The following MSN variants were observed in gnomAD, a reference collection of about 807,000 sequenced individuals.
The protein encoded by MSN is epididymis luminal protein 70.
MSN carries 2 observed loss-of-function variants against 48.0 expected under a neutral mutation model. The ratio of observed to expected loss-of-function variants is 0.04; its 90% CI spans 0.02 to 0.13. The LOEUF is 0.13. MSN is among the 10% of genes least tolerant of loss of function. The pLI, the probability that MSN is intolerant of heterozygous loss-of-function variation, is 1.00. For synonymous variants in MSN, 146 were observed against 166.9 expected, an observed-to-expected ratio of 0.87 and a Z score of 0.97; for missense variants, 267 against 470.1, an observed-to-expected ratio of 0.57 and a Z score of 3.99.
intron 1 of MSN, among the ~76,000 whole-genome samples, chrX:65,632,361 T>C (rs1327006321): frequency 8.9e-6 from 1 of 112,072 alleles, no homozygotes; most frequent in Non-Finnish European, 1.9e-5. Flanking sequence ...TTTTGGACTT[T>C]CGAGCCTCCA....
intron 1 of MSN, among the ~76,000 whole-genome samples, chrX:65,682,967 G>A (rs1377858683): frequency 9.0e-6 from 1 of 111,683 alleles, no homozygotes; most frequent in African/African-American, 3.3e-5. Flanking sequence ...TGGCCAGCAT[G>A]TTCATAGCCA....
chrX:65,615,733 T>G (rs1329926308), intron 1 of MSN, among the ~76,000 whole-genome samples: 9 of 108,372 alleles, frequency 8.3e-5, no homozygotes, highest in South Asian at 4.0e-4. Flanking sequence ...GTCAATTTTG[T>G]CTTTTGTTGC....
At chrX:65,692,576 GT>G (rs1281149427) in intron 1 of MSN, among the ~76,000 whole-genome samples, 1 of 112,780 alleles carries the variant, frequency 8.9e-6, no homozygotes, top group East Asian at 2.8e-4. Flanking sequence ...ATTTGGTTAA[GT>G]CTAGGAATTG....
intron 1 of MSN, among the ~76,000 whole-genome samples, chrX:65,595,430 C>T (rs2070179369): frequency 8.9e-6 from 1 of 112,144 alleles, no homozygotes; most frequent in Non-Finnish European, 1.9e-5. Context: ...AAGGTCCAGT[C>T]TCCCAGCACA....
chrX:65,671,929 T>G (rs1168991978), intron 1 of MSN, among the ~76,000 whole-genome samples: 1 of 112,124 alleles, frequency 8.9e-6, no homozygotes, highest in Non-Finnish European at 1.9e-5. Flanking sequence ...TTTTAGGGTG[T>G]TGTTCTTACT....
At chrX:65,629,061 C>T (rs1457067749) in intron 1 of MSN, among the ~76,000 whole-genome samples, 1 of 104,231 alleles carries the variant, frequency 9.6e-6, no homozygotes, top group Non-Finnish European at 2.0e-5. Context: ...TAGAGCGAGA[C>T]TCCATCTCAA....
intron 1 of MSN, among the ~76,000 whole-genome samples, chrX:65,647,460 C>T (rs1471413160): frequency 1.8e-5 from 2 of 112,341 alleles, no homozygotes; most frequent in African/African-American, 3.2e-5. Context: ...ATCCGCCCAC[C>T]TCGGCTTCCC....
At chrX:65,714,889 T>C (rs2071448100) in intron 1 of MSN, among the ~76,000 whole-genome samples, 1 of 112,255 alleles carries the variant, frequency 8.9e-6, no homozygotes, top group South Asian at 3.7e-4. Flanking sequence ...TGTCCATTCC[T>C]ATGTTCAGAA....
chrX:65,632,093 G>A (rs779249699), intron 1 of MSN, among the ~76,000 whole-genome samples: 1 of 112,213 alleles, frequency 8.9e-6, no homozygotes, highest in African/African-American at 3.2e-5. Flanking sequence ...GTTACTGAGC[G>A]ATGGTTTGAA....
chrX:65,732,780 A>G (rs1163374709), intron 6 of MSN, among the ~76,000 whole-genome samples: 1 of 112,513 alleles, frequency 8.9e-6, no homozygotes, highest in Non-Finnish European at 1.9e-5. Flanking sequence ...AAACAAATAC[A>G]TAACAAAACA....
intron 1 of MSN, chrX:65,589,026 C>T (rs2070121533): frequency 7.4e-6 from 1 of 135,393 alleles, no homozygotes; most frequent in Admixed American, 9.1e-5. Context: ...CAATAACCAC[C>T]ACTGTCAGAT....
At chrX:65,588,729 CA>C (rs1396141658) in intron 1 of MSN, 1 of 527,422 alleles carries the variant, frequency 1.9e-6, no homozygotes. Context: ...AAACTCTTCT[CA>C]GGGGGTAGGG....
chrX:65,594,982 A>G (rs1007775568), intron 1 of MSN, among the ~76,000 whole-genome samples: 1 of 111,667 alleles, frequency 9.0e-6, no homozygotes, highest in Non-Finnish European at 1.9e-5. Flanking sequence ...AATGCCCTGC[A>G]ATACTGAGTC....
rs754305867 is a variant in MSN, at chrX:65,737,228, C to T, written c.1141C>T (p.Arg381Cys). The change falls in exon 10 of 13, where the codon CGT becomes TGT. Residue 381 changes from arginine (R) to cysteine (C), a missense_variant. Physicochemically the swap from Arg to Cys is radical, Grantham distance 180. Transcript: ENST00000360270. ...TCTGGAACTTGAGCAGGAACGGAAG[C>T]GTGCCCAGAGCGAGGCTGAAAAGCT... is the stretch of plus-strand genomic sequence containing the variant. Reference protein sequence around the residue: ...RALELEQERKRAQSEAEKLAK... With the variant: ...RALELEQERKCAQSEAEKLAK... 3 of 1,208,790 alleles carry T rather than the reference C, an allele frequency of 2.5e-6. No individual in the cohort carries two copies. Among genetic ancestry groups the T allele is most frequent in the African/African-American group, 1.7e-5 (1 of 57,694 alleles).
intron 1 of MSN, among the ~76,000 whole-genome samples, chrX:65,592,403 C>T (rs1360870791): frequency 9.3e-6 from 1 of 108,014 alleles, no homozygotes; most frequent in East Asian, 3.0e-4. Context: ...ACCATGTTGG[C>T]CAGGCTGGTC....
At chrX:65,639,633 C>G (rs1418219727) in intron 1 of MSN, among the ~76,000 whole-genome samples, 1 of 111,752 alleles carries the variant, frequency 8.9e-6, no homozygotes, top group Non-Finnish European at 1.9e-5. Flanking sequence ...ACCTCCTGGA[C>G]AGCATGACCT....
At chrX:65,641,679 C>T (rs1330461884) in intron 1 of MSN, among the ~76,000 whole-genome samples, 2 of 94,387 alleles carry the variant, frequency 2.1e-5, no homozygotes, top group Admixed American at 2.5e-4. Flanking sequence ...GCTCTTGTAT[C>T]CATTTCTCAT....
intron 1 of MSN, among the ~76,000 whole-genome samples, chrX:65,638,338 G>A (rs1209656026): frequency 9.0e-6 from 1 of 111,612 alleles, no homozygotes; most frequent in Non-Finnish European, 1.9e-5. Flanking sequence ...CCATCTTTTT[G>A]TGCTTCCCTT....
rs759337220 is a variant in MSN, at chrX:65,697,036, C to G, written c.13-19782C>G. Among the ~76,000 whole-genome samples, 6 of 111,326 alleles carry G rather than the reference C, an allele frequency of 5.4e-5. No individual in the cohort carries two copies. The South Asian group carries it at 2.3e-3, about 43-fold the overall frequency. ...TGGCTGTAAACAAATACACTTGCAG[C>G]AGGTTATGAGGCCACCTTTCAACCT... is the stretch of plus-strand genomic sequence containing the variant. On this transcript the variant is annotated intron_variant, in intron 1 of 12. Transcript: ENST00000360270.
Sources: allele counts gnomAD v4.1 joint callset (sites outside exome capture counted in the v4.1 genomes callset), GRCh38; gene constraint gnomAD v4.1.1; transcripts MANE v1.5; gene names NCBI Gene and HGNC (gene_info 2026-07-23, HGNC 2026-07-21).